CRYGN: variants seen among roughly 807,000 people sequenced by gnomAD.
CRYGN encodes the protein gamma-crystallin N.
In CRYGN, 17 loss-of-function variants were observed where a neutral mutation model predicts 19.2. The observed-to-expected ratio is 0.89, with a 90% CI of 0.61 to 1.33. The LOEUF is 1.33. CRYGN is among the 40% of genes most tolerant of loss of function. The pLI is 0.00. For synonymous variants in CRYGN, 84 were observed against 85.8 expected (o/e 0.98, Z 0.12); for missense variants, 239 against 239.6 (o/e 1.00, Z 0.02).
intron 3 of CRYGN, among the ~76,000 whole-genome samples, chr7:151,434,589 G>A (rs572867566): frequency 6.6e-6 from 1 of 152,268 alleles, no homozygotes; most frequent in South Asian, 2.1e-4. Context: ...CTATCCCTGG[G>A]AACTGGTTCC....
rs142118488 is a variant in CRYGN, at chr7:151,435,496, C to T, written c.416+684G>A. 2.6e-5 allele frequency among the ~76,000 whole-genome samples: 4 copies of T among 152,164 alleles called. No homozygotes were observed. The highest frequency in any genetic ancestry group is 4.4e-5 in the Non-Finnish European group (3 of 68,006). On this transcript the variant is annotated intron_variant, in intron 3 of 3. Coordinates refer to ENST00000337323, the MANE Select transcript of CRYGN (RefSeq NM_144727.3). The surrounding 1 kb of genome is among the most constrained non-coding windows in gnomAD (Gnocchi z 4.2). ...AGGATAGTTGCAAAAGGGGAGTGTGCGGGAGGGCAGGAGGGGGCACACAGG... is the reference window on the plus strand; with the variant it reads ...AGGATAGTTGCAAAAGGGGAGTGTGTGGGAGGGCAGGAGGGGGCACACAGG...
chr7:151,435,722 G>A lies in CRYGN; in HGVS notation c.416+458C>T, dbSNP rs1801586738. On this transcript the variant is annotated intron_variant, in intron 3 of 3. Transcript: ENST00000337323. The surrounding 1 kb of genome is among the most constrained non-coding windows in gnomAD (Gnocchi z 4.2). The stretch of plus-strand genomic sequence containing the variant: ...GCGGGGTAGGCGCGGGGGCAGGGTG[G>A]GCTGGTCCACCCTTCTCAGAGCAAG... Among the ~76,000 whole-genome samples, 1 of 152,116 alleles carries A rather than the reference G, an allele frequency of 6.6e-6. No homozygotes were observed. Among genetic ancestry groups the A allele is most frequent in the African/African-American group, 2.4e-5 (1 of 41,420 alleles).
chr7:151,436,380 TC>T lies in CRYGN; in HGVS notation c.271-56del. The T allele has an allele frequency of 6.9e-7, 1 of 1,446,012 alleles. No homozygotes were observed. Among genetic ancestry groups the T allele is most frequent in the Non-Finnish European group, 9.2e-7 (1 of 1,088,308 alleles). The allele number at this position is 1,446,012 out of a possible 1,614,324, so 89.6% of individuals were successfully genotyped here. ...AAGGAGGTTGCTGTGAATTCCCCTC[TC>T]CCAGAAACAGAAGCCCCATGCAGGA... On this transcript the variant is annotated intron_variant, in intron 2 of 3. Transcript: ENST00000337323. The surrounding 1 kb of genome is among the most constrained non-coding windows in gnomAD (Gnocchi z 5.1).
intron 3 of CRYGN, among the ~76,000 whole-genome samples, chr7:151,432,842 G>C (rs1454637737): frequency 6.6e-6 from 1 of 152,140 alleles, no homozygotes; most frequent in Non-Finnish European, 1.5e-5. Flanking sequence ...CCCTGATAAG[G>C]ACCACCTTGC....
Position 151,433,733 on chromosome 7 carries a change from G to A in CRYGN, c.416+2447C>T, listed in dbSNP as rs1285534693. The A allele has an allele frequency of 6.5e-6, 1 of 154,896 alleles. No homozygotes were observed. Among genetic ancestry groups the A allele is most frequent in the Non-Finnish European group, 1.5e-5 (1 of 68,330 alleles). The allele number at this position is 154,896 out of a possible 1,614,324, so 9.6% of individuals were successfully genotyped here. On this transcript the variant is annotated intron_variant, in intron 3 of 3. Coordinates refer to ENST00000337323, the MANE Select transcript of CRYGN (RefSeq NM_144727.3). The surrounding 1 kb of genome is among the most constrained non-coding windows in gnomAD (Gnocchi z 5.1). ...GTGGGCAAGAAATGCCCCAAGCCAT[G>A]TCCTGGGCCACATGAGGGTTCTCAC...
Position 151,430,156 on chromosome 7 carries a change from T to G in CRYGN, c.441A>C (p.Gly147=). 1 of 1,614,032 alleles carries G rather than the reference T, an allele frequency of 6.2e-7. No individual in the cohort carries two copies. Among genetic ancestry groups the G allele is most frequent in the Non-Finnish European group, 8.5e-7 (1 of 1,179,984 alleles). ...AGCTGCTCAGCTGGAAGTCCTCAGC[T>G]CCGAAGCTTCTAGGGCTCCATGCTC... is the stretch of plus-strand genomic sequence containing the variant. ...DGAAWSPRSF[G]AEDFQLSSSL... Residue 147 remains glycine (G), a synonymous_variant, in exon 4 of 4, where the codon GGA becomes GGC. Coordinates refer to ENST00000337323, the MANE Select transcript of CRYGN (RefSeq NM_144727.3). The surrounding 1 kb of genome is among the most constrained non-coding windows in gnomAD (Gnocchi z 5.2).
chr7:151,429,123 C>T lies in CRYGN; in HGVS notation c.*925G>A, dbSNP rs556870303. 2.0e-5 allele frequency: 3 copies of T among 152,728 alleles called. No homozygotes were observed. The East Asian group carries it at 5.8e-4, about 29-fold the overall frequency. The allele number at this position is 152,728 out of a possible 1,614,324, so 9.5% of individuals were successfully genotyped here. A position where few individuals can be genotyped will look rare whatever the true frequency, so the allele number is the denominator to read the frequency against. The stretch of plus-strand genomic sequence containing the variant: ...GGGCCTGCAGTTCTCATTTCATTCC[C>T]CAGGCATTAATTGCCTATGAGGGGG... On this transcript the variant is annotated 3_prime_UTR_variant, in exon 4 of 4. Coordinates refer to ENST00000337323, the MANE Select transcript of CRYGN (RefSeq NM_144727.3).
rs370371874 is a variant in CRYGN, at chr7:151,436,187, C to A, written c.409G>T (p.Asp137Tyr). The change falls in exon 3 of 4, where the codon GAC becomes TAC. Residue 137 changes from aspartate (D) to tyrosine (Y), a missense_variant. Asp to Tyr is a radical substitution (Grantham distance 160). Coordinates refer to ENST00000337323, the MANE Select transcript of CRYGN (RefSeq NM_144727.3). This position sits in a 1 kb window ranked among gnomAD's most constrained non-coding sequence, Gnocchi z 5.1. ...NCVNTIKVYG[D>Y]GAAWSPRSFG... ...CACGTGGCCTGTACTCACGCTCCGT[C>A]CCCGTACACCTTGATGGTGTTCACA... The A allele has an allele frequency of 2.8e-5, 42 of 1,524,206 alleles. No homozygotes were observed. The highest frequency in any genetic ancestry group is 1.7e-4 in the East Asian group (7 of 40,562). The allele number at this position is 1,524,206 out of a possible 1,614,324, so 94.4% of individuals were successfully genotyped here.
At chr7:151,437,577 C>T (rs1182199993) in intron 2 of CRYGN, among the ~76,000 whole-genome samples, 1 of 152,186 alleles carries the variant, frequency 6.6e-6, no homozygotes, top group Non-Finnish European at 1.5e-5. Context: ...CCTCCATCAG[C>T]CATTCCAAGA....
Position 151,436,543 on chromosome 7 carries a change from C to T in CRYGN, c.271-218G>A, listed in dbSNP as rs1398037288. 6.6e-6 allele frequency among the ~76,000 whole-genome samples: 1 copy of T among 152,188 alleles called. No individual in the cohort carries two copies. The highest frequency in any genetic ancestry group is 1.5e-5 in the Non-Finnish European group (1 of 68,034). Reference sequence around the variant, plus strand: ...TCTGAAAATGTTCCAAGCCACTGAGCTGGTCCAAGCTCCTCTTTCTACAAC... The same window carrying T: ...TCTGAAAATGTTCCAAGCCACTGAGTTGGTCCAAGCTCCTCTTTCTACAAC... On this transcript the variant is annotated intron_variant, in intron 2 of 3. Transcript: ENST00000337323. This position sits in a 1 kb window ranked among gnomAD's most constrained non-coding sequence, Gnocchi z 5.1.
At position 151,433,265 on chromosome 7, in the gene CRYGN, G is replaced by A. The variant is rs1254124076; in HGVS notation, c.416+2915C>T. Among the ~76,000 whole-genome samples the A allele has an allele frequency of 3.9e-5, 6 of 152,232 alleles. No individual in the cohort carries two copies. Among genetic ancestry groups the A allele is most frequent in the South Asian group, 2.1e-4 (1 of 4,832 alleles). ...TCATCACCCAGGAAGCTGTGGGCCC[G>A]GCCCAGAAAAGCAGGAAGGTGCGGT... On this transcript the variant is annotated intron_variant, in intron 3 of 3. Coordinates refer to ENST00000337323, the MANE Select transcript of CRYGN (RefSeq NM_144727.3). The surrounding 1 kb of genome is among the most constrained non-coding windows in gnomAD (Gnocchi z 5.1).
chr7:151,439,359 G>A (rs1203019884), intron 1 of CRYGN, among the ~76,000 whole-genome samples: 1 of 152,182 alleles, frequency 6.6e-6, no homozygotes, highest in African/African-American at 2.4e-5. Flanking sequence ...TAGGCTAGGG[G>A]CACTGGAGAG....
rs1333059014 is a variant in CRYGN, at chr7:151,433,135, C to A, written c.417-2955G>T. On this transcript the variant is annotated intron_variant, in intron 3 of 3. Transcript: ENST00000337323. The surrounding 1 kb of genome is among the most constrained non-coding windows in gnomAD (Gnocchi z 5.1). ...CCTGTCCTCCTCCCCTTCTGCACAC[C>A]ACTGGGGCAGCCACCAACAACCCAG... is the stretch of plus-strand genomic sequence containing the variant. 6.6e-6 allele frequency among the ~76,000 whole-genome samples: 1 copy of A among 152,222 alleles called. No homozygotes were observed. Among genetic ancestry groups the A allele is most frequent in the Non-Finnish European group, 1.5e-5 (1 of 68,034 alleles).
In CRYGN at chr7:151,431,558, C is replaced by T. The variant is rs575501229; in HGVS notation, c.417-1378G>A. 5.3e-4 allele frequency among the ~76,000 whole-genome samples: 81 copies of T among 152,252 alleles called. No individual in the cohort carries two copies. The highest frequency in any genetic ancestry group is 7.2e-4 in the Non-Finnish European group (49 of 67,998). The stretch of plus-strand genomic sequence containing the variant: ...CCAGGGGCTATGGCTGCAGCAGACA[C>T]GCCCCATGCCCCTTTCTCCCCGAAA... On this transcript the variant is annotated intron_variant, in intron 3 of 3. Coordinates refer to ENST00000337323, the MANE Select transcript of CRYGN (RefSeq NM_144727.3). This position sits in a 1 kb window ranked among gnomAD's most constrained non-coding sequence, Gnocchi z 4.8.
At position 151,430,030 on chromosome 7, in the gene CRYGN, T is replaced by G; in HGVS notation, c.*18A>C. The stretch of plus-strand genomic sequence containing the variant: ...CAGAAACGGTGCAGGTGCATTTACA[T>G]GTCAATCGGTTCCAGGCTCAGAGGT... On this transcript the variant is annotated 3_prime_UTR_variant, in exon 4 of 4. Coordinates refer to ENST00000337323, the MANE Select transcript of CRYGN (RefSeq NM_144727.3). This position sits in a 1 kb window ranked among gnomAD's most constrained non-coding sequence, Gnocchi z 5.2. The G allele has an allele frequency of 1.1e-6, 1 of 887,072 alleles. No individual in the cohort carries two copies. The highest frequency in any genetic ancestry group is 1.9e-6 in the Non-Finnish European group (1 of 515,146). The allele number at this position is 887,072 out of a possible 1,614,324, so 55.0% of individuals were successfully genotyped here.
At position 151,429,790 on chromosome 7, in the gene CRYGN, G is replaced by T; in HGVS notation, c.*258C>A. The T allele has an allele frequency of 1.9e-6, 1 of 539,848 alleles. No individual in the cohort carries two copies. Among genetic ancestry groups the T allele is most frequent in the Middle Eastern group, 5.1e-4 (1 of 1,978 alleles). The allele number at this position is 539,848 out of a possible 1,614,324, so 33.4% of individuals were successfully genotyped here. A position where few individuals can be genotyped will look rare whatever the true frequency, so the allele number is the denominator to read the frequency against. ...CATCATCAGCTGTGGGCTGAGGTGC[G>T]AGATTGTGGAGGCCTGAGGCCAGCA... On this transcript the variant is annotated 3_prime_UTR_variant, in exon 4 of 4. Coordinates refer to ENST00000337323, the MANE Select transcript of CRYGN (RefSeq NM_144727.3).
rs1346810150 is a variant in CRYGN at position 151,435,281 on chromosome 7, C to T, written c.416+899G>A. Among the ~76,000 whole-genome samples the T allele has an allele frequency of 2.0e-5, 3 of 152,186 alleles. No homozygotes were observed. Among genetic ancestry groups the T allele is most frequent in the Non-Finnish European group, 2.9e-5 (2 of 68,026 alleles). ...GGGAGGGGACTGAGGCCTGGGAAAG[C>T]GGCTAGCTCTGGAACAGGGACAGAC... On this transcript the variant is annotated intron_variant, in intron 3 of 3. Coordinates refer to ENST00000337323, the MANE Select transcript of CRYGN (RefSeq NM_144727.3). This position sits in a 1 kb window ranked among gnomAD's most constrained non-coding sequence, Gnocchi z 4.2.
Position 151,439,901 on chromosome 7 carries a change from C to A in CRYGN, c.17G>T (p.Gly6Val). ...GGGGTTGAGGGACGCACTCACCTTC[C>A]CCGAGCGCTGCGCCATGGTGCGCCC... Reference protein sequence around the residue: MAQRSGKITLYEGKHF... With the variant: MAQRSVKITLYEGKHF... The change falls in exon 1 of 4, where the codon GGG becomes GTG. Residue 6 changes from glycine to valine, a missense_variant. Gly to Val is a moderately radical substitution (Grantham distance 109, BLOSUM62 -3). Coordinates refer to ENST00000337323, the MANE Select transcript of CRYGN (RefSeq NM_144727.3). 1 of 1,556,248 alleles carries A rather than the reference C, an allele frequency of 6.4e-7. No homozygotes were observed. The highest frequency in any genetic ancestry group is 2.4e-5 in the East Asian group (1 of 42,330).
At position 151,429,907 on chromosome 7, in the gene CRYGN, C is replaced by T. The variant is rs114539304; in HGVS notation, c.*141G>A. 4,692 of 696,132 alleles carry T rather than the reference C, an allele frequency of 6.7e-3. 163 individuals carry two copies. The African/African-American group carries it at 0.073, about 11-fold the overall frequency. The allele number at this position is 696,132 out of a possible 1,614,324, so 43.1% of individuals were successfully genotyped here. ...CTTGCCATGGGTGGGGAGGGCCTCC[C>T]GCTGGCAGATATGACACACAGAAGG... On this transcript the variant is annotated 3_prime_UTR_variant, in exon 4 of 4. Transcript: ENST00000337323.
Sources: gnomAD v4.1 joint callset for allele counts (sites outside exome capture counted in the v4.1 genomes callset) on GRCh38, gnomAD v4.1.1 for gene constraint, Gnocchi (gnomAD v3.1) non-coding constraint, MANE v1.5 for transcripts, NCBI Gene and HGNC (gene_info 2026-07-23, HGNC 2026-07-21) for gene names.